Variants in MYBBP1A observed in about 807,000 individuals in gnomAD.
The protein encoded by MYBBP1A is myb-binding protein 1A.
Under a neutral mutation model 136.3 loss-of-function variants are expected in MYBBP1A, and 147 were observed. The ratio of observed to expected loss-of-function variants is 1.08; its 90% CI spans 0.94 to 1.24. The LOEUF is 1.24. Ranked by LOEUF, MYBBP1A falls within the 50% of genes most tolerant of loss-of-function variation. The probability of loss-of-function intolerance (pLI) is 0.00; values close to 1 mark genes in which losing one functional copy is unlikely to be tolerated. For missense variants in MYBBP1A, 2,060 were observed against 1,727.4 expected, an observed-to-expected ratio of 1.19 and a Z score of -3.41; for synonymous variants, 947 against 735.8, an observed-to-expected ratio of 1.29 and a Z score of -4.65.
chr17:4,547,906 A>C, intron 13 of MYBBP1A, 52 bp downstream of exon 13: 4 of 1,381,284 alleles, frequency 2.9e-6, no homozygotes, highest in Middle Eastern at 5.1e-4. Context: ...TAGGGGGCCC[A>C]TTGTGCCATA....
chr17:4,540,436 G>A lies in MYBBP1A; in HGVS notation c.3346C>T (p.Gln1116Ter), dbSNP rs1471093605. ...TVLLGVLQGQQQSLQQGAHST... is the reference protein window; with the variant it reads ...TVLLGVLQGQ ...TGTGCCCCCTGCTGTAGGCTCTGCT[G>A]TTGCCCCTGCAGCACACCCAGGAGC... Residue 1116 changes from glutamine to a stop codon, truncating the protein, a stop_gained, in exon 25 of 26, where the codon CAG becomes TAG. Coordinates refer to ENST00000254718, the MANE Select transcript of MYBBP1A (RefSeq NM_014520.4). LOFTEE classifies it high-confidence loss of function. 6.2e-7 allele frequency: 1 copy of A among 1,611,008 alleles called. No homozygotes were observed. The highest frequency in any genetic ancestry group is 1.3e-5 in the African/African-American group (1 of 74,910).
intron 15 of MYBBP1A, 115 bp from the exon 16 acceptor site, chr17:4,545,460 GCGGCC>G: frequency 6.6e-7 from 1 of 1,520,588 alleles, no homozygotes; most frequent in Non-Finnish European, 8.9e-7. Context: ...CCTAGGAGAG[GCGGCC>G]AGGCCAGGCC....
At chr17:4,545,208 C>A in intron 16 of MYBBP1A, 33 bp from the exon 17 acceptor site, 1 of 1,612,990 alleles carries the variant, frequency 6.2e-7, no homozygotes. Flanking sequence ...TCACACACCT[C>A]CCCGATCGTC....
chr17:4,548,447 C>T lies in MYBBP1A; in HGVS notation c.1556+77G>A. 2 of 1,610,314 alleles carry T rather than the reference C, an allele frequency of 1.2e-6. No homozygotes were observed. Among genetic ancestry groups the T allele is most frequent in the Non-Finnish European group, 1.7e-6 (2 of 1,178,092 alleles). Reference sequence around the variant, plus strand: ...CGGGGGCCTCTGCCGTTGTTCCCAGCTTAGGGGACCTGGAGGGAGCAGGCG... The same window carrying T: ...CGGGGGCCTCTGCCGTTGTTCCCAGTTTAGGGGACCTGGAGGGAGCAGGCG... On this transcript the variant is annotated intron_variant, in intron 11 of 25. Coordinates refer to ENST00000254718, the MANE Select transcript of MYBBP1A (RefSeq NM_014520.4). The surrounding 1 kb of genome is among the most constrained non-coding windows in gnomAD (Gnocchi z 4.2).
At chr17:4,553,968 C>G (rs371083888) in intron 4 of MYBBP1A, 51 bp from the exon 5 acceptor site, 5 of 1,613,472 alleles carry the variant, frequency 3.1e-6, no homozygotes, top group Non-Finnish European at 4.2e-6. Flanking sequence ...CGACTGTCCC[C>G]CACCCATCCC....
At chr17:4,550,647 AG>A (rs1360022352) in intron 8 of MYBBP1A, among the ~76,000 whole-genome samples, 1 of 152,248 alleles carries the variant, frequency 6.6e-6, no homozygotes, top group Non-Finnish European at 1.5e-5. Context: ...CTCCGGCCCC[AG>A]AAGGCCCCTC....
In MYBBP1A at chr17:4,539,525, A is replaced by G. The variant is rs151018336; in HGVS notation, c.3877T>C (p.Ser1293Pro). 2 of 1,614,068 alleles carry G rather than the reference A, an allele frequency of 1.2e-6. No homozygotes were observed. The highest frequency in any genetic ancestry group is 1.7e-6 in the Non-Finnish European group (2 of 1,180,020). The change falls in exon 26 of 26, where the codon TCC becomes CCC. Residue 1293 changes from serine to proline, a missense_variant. Physicochemically the swap from Ser to Pro is moderately conservative, Grantham distance 74. Transcript: ENST00000254718. Reference protein sequence around the residue: ...KKGVLGKSPLSALARKKARLS... With the variant: ...KKGVLGKSPLPALARKKARLS... ...CTTGCCTTTTTCCGTGCCAGCGCGG[A>G]CAGTGGTGATTTGCCCAAGACCCCC...
At chr17:4,540,698 C>T (rs975081453) in intron 24 of MYBBP1A, among the ~76,000 whole-genome samples, 1 of 152,060 alleles carries the variant, frequency 6.6e-6, no homozygotes, top group East Asian at 1.9e-4. Flanking sequence ...TTCCCATAGC[C>T]AAAGGCCTGG....
rs1352149207 is a variant in MYBBP1A, at chr17:4,539,876, G to A, written c.3526C>T (p.Pro1176Ser). The A allele has an allele frequency of 3.1e-6, 5 of 1,604,326 alleles. No homozygotes were observed. Among genetic ancestry groups the A allele is most frequent in the African/African-American group, 1.3e-5 (1 of 75,018 alleles). The change falls in exon 26 of 26, where the codon CCA (proline) becomes TCA (serine). Residue 1176 changes from proline (P) to serine (S), a missense_variant. By Grantham distance (74) the Pro-to-Ser change is moderately conservative. Coordinates refer to ENST00000254718, the MANE Select transcript of MYBBP1A (RefSeq NM_014520.4). ...CGTTTCTTGCGCTTCTTCGTCTCTGGCAAGAATCCCTTTTTCTTCCGCTTC... is the reference window on the plus strand; with the variant it reads ...CGTTTCTTGCGCTTCTTCGTCTCTGACAAGAATCCCTTTTTCTTCCGCTTC... ...SKKRKKKGFL[P>S]ETKKRKKRKS...
intron 22 of MYBBP1A, chr17:4,542,194 G>A (rs1365774387): frequency 6.8e-6 from 4 of 584,942 alleles, no homozygotes; most frequent in South Asian, 2.2e-5. Context: ...ACTACCAGGG[G>A]CATCCTGTGT....
Position 4,539,617 on chromosome 17 carries a change from T to C in MYBBP1A, c.3785A>G (p.Asn1262Ser), listed in dbSNP as rs1399445026. The C allele has an allele frequency of 3.1e-6, 5 of 1,613,860 alleles. No individual in the cohort carries two copies. Among genetic ancestry groups the C allele is most frequent in the African/African-American group, 2.7e-5 (2 of 74,894 alleles). The change falls in exon 26 of 26, where the codon AAT becomes AGT. Residue 1262 changes from asparagine to serine, a missense_variant. Asn to Ser is a conservative substitution (Grantham distance 46). Transcript: ENST00000254718. ...TTCCGTGGGGGACCCGGGAGCTCCA[T>C]TCACCTGGGACGGCTTCTGGTTTTT... ...QKKNQKPSQV[N>S]GAPGSPTEPA...
intron 16 of MYBBP1A, 28 bp downstream of exon 16, chr17:4,545,231 G>T: frequency 6.5e-7 from 1 of 1,537,332 alleles, no homozygotes; most frequent in Non-Finnish European, 8.9e-7. Flanking sequence ...ACTCCCCACC[G>T]CCCCCGCCCG....
Position 4,542,593 on chromosome 17 carries a change from G to A in MYBBP1A, c.3018+23C>T, listed in dbSNP as rs760475066. 5 of 1,613,630 alleles carry A rather than the reference G, an allele frequency of 3.1e-6. No individual in the cohort carries two copies. In the South Asian group the frequency reaches 4.4e-5, roughly 14 times the overall value. On this transcript the variant is annotated intron_variant, in intron 21 of 25. Transcript: ENST00000254718. ...TGGGCTGAGCAGGGACCATGAGGAAGCAGGGCAGGCCCCAACACTCACCGG... is the reference window on the plus strand; with the variant it reads ...TGGGCTGAGCAGGGACCATGAGGAAACAGGGCAGGCCCCAACACTCACCGG...
rs544229293 is a variant in MYBBP1A at position 4,548,180 on chromosome 17, T to C, written c.1687A>G (p.Thr563Ala). 2.5e-6 allele frequency: 4 copies of C among 1,605,762 alleles called. No homozygotes were observed. Among genetic ancestry groups the C allele is most frequent in the Non-Finnish European group, 3.4e-6 (4 of 1,179,984 alleles). The part of the protein sequence containing the change: ...LNHSHNVTTV[T>A]PFTAQQRQAW... Reference sequence around the variant, plus strand: ...TGGCGCTGCTGCGCAGTGAAGGGTGTCACGGTGGTCACGTTGTGGCTGTGA... The same window carrying C: ...TGGCGCTGCTGCGCAGTGAAGGGTGCCACGGTGGTCACGTTGTGGCTGTGA... Residue 563 changes from threonine (T) to alanine (A), a missense_variant, in exon 12 of 26, where the codon ACA becomes GCA. Transcript: ENST00000254718. This position sits in a 1 kb window ranked among gnomAD's most constrained non-coding sequence, Gnocchi z 4.2.
chr17:4,542,675 T>C lies in MYBBP1A; in HGVS notation c.2959A>G (p.Thr987Ala). 1 of 1,613,916 alleles carries C rather than the reference T, an allele frequency of 6.2e-7. No individual in the cohort carries two copies. The highest frequency in any genetic ancestry group is 8.5e-7 in the Non-Finnish European group (1 of 1,179,898). ...ACTGTGAGGGGGCTGTTGCGCTTGG[T>C]CAGGAAGGAGCTCAGTGCTGTCGAG... Reference protein sequence around the residue: ...VYSTALSSFLTKRNSPLTVPM... With the variant: ...VYSTALSSFLAKRNSPLTVPM... Residue 987 changes from threonine to alanine, a missense_variant, in exon 21 of 26, where the codon ACC becomes GCC. By Grantham distance (58) the Thr-to-Ala change is moderately conservative. Coordinates refer to ENST00000254718, the MANE Select transcript of MYBBP1A (RefSeq NM_014520.4).
chr17:4,552,693 C>T lies in MYBBP1A; in HGVS notation c.562-67G>A. On this transcript the variant is annotated intron_variant, in intron 5 of 25. Transcript: ENST00000254718. The surrounding 1 kb of genome is among the most constrained non-coding windows in gnomAD (Gnocchi z 4.7). ...GTGAGCCTGGTGGATCCTGTTCTAC[C>T]TGCTCCTGACACGGGGCCACCTGGT... is the stretch of plus-strand genomic sequence containing the variant. 2.7e-6 allele frequency: 4 copies of T among 1,477,278 alleles called. No homozygotes were observed. The highest frequency in any genetic ancestry group is 4.6e-5 in the East Asian group (2 of 43,492). The allele number at this position is 1,477,278 out of a possible 1,614,324, so 91.5% of individuals were successfully genotyped here. A position where few individuals can be genotyped will look rare whatever the true frequency, so the allele number is the denominator to read the frequency against.
intron 13 of MYBBP1A, 80 bp downstream of exon 13, chr17:4,547,878 C>T: frequency 8.2e-7 from 1 of 1,225,142 alleles, no homozygotes; most frequent in Non-Finnish European, 1.1e-6. Flanking sequence ...ACCCGCACAG[C>T]CCTCAAAAGC....
Position 4,544,814 on chromosome 17 carries a change from G to C in MYBBP1A, c.2418C>G (p.Ala806=), listed in dbSNP as rs764917074. The C allele has an allele frequency of 6.2e-7, 1 of 1,604,366 alleles. No homozygotes were observed. Among genetic ancestry groups the C allele is most frequent in the East Asian group, 2.2e-5 (1 of 44,452 alleles). The stretch of plus-strand genomic sequence containing the variant: ...GCAGCTTGTTCTTCTCGTCTCGCCG[G>C]GCCTGGATACGCAGCTTCTGCTCGG... ...LFAEQKLRIQ[A]RRDEKNKLQK... The change falls in exon 18 of 26, where the codon GCC becomes GCG. Residue 806 remains alanine, a synonymous_variant. Coordinates refer to ENST00000254718, the MANE Select transcript of MYBBP1A (RefSeq NM_014520.4).
Position 4,550,228 on chromosome 17 carries a change from T to C in MYBBP1A, c.1149A>G (p.Gln383=), listed in dbSNP as rs758004846. Residue 383 remains glutamine (Q), a synonymous_variant, in exon 9 of 26, where the codon CAA becomes CAG. Transcript: ENST00000254718. The part of the protein sequence containing the change: ...VLVAFSSVTN[Q]GLPVTPTFWR... ...AGAAAGTAGGCGTGACAGGGAGGCC[T>C]TGGTTGGTGACAGATGAGAAGGCCA... 6.2e-7 allele frequency: 1 copy of C among 1,613,780 alleles called. No homozygotes were observed. Among genetic ancestry groups the C allele is most frequent in the Admixed American group, 1.7e-5 (1 of 60,028 alleles).
Sources: gnomAD v4.1 joint callset for allele counts (sites outside exome capture counted in the v4.1 genomes callset) on GRCh38, gnomAD v4.1.1 for gene constraint, Gnocchi (gnomAD v3.1) non-coding constraint, MANE v1.5 for transcripts, NCBI Gene and HGNC (gene_info 2026-07-23, HGNC 2026-07-21) for gene names.